Variants in IGF1R observed in about 807,000 individuals in gnomAD.
The protein encoded by IGF1R is insulin-like growth factor 1 receptor.
In IGF1R, 44 loss-of-function variants were observed where a neutral mutation model predicts 144.6. The ratio of observed to expected loss-of-function variants is 0.30; its 90% CI spans 0.24 to 0.39. The LOEUF (loss-of-function observed/expected upper bound fraction) is 0.39. Ranked by LOEUF, IGF1R falls within the 10% of genes least tolerant of loss-of-function variation. The probability of loss-of-function intolerance (pLI) is 1.00; values close to 1 mark genes in which losing one functional copy is unlikely to be tolerated. For synonymous variants in IGF1R, 795 were observed against 722.8 expected (o/e 1.10, Z -1.60); for missense variants, 1,355 against 1,833.7 (o/e 0.74, Z 4.77).
intron 1 of IGF1R, among the ~76,000 whole-genome samples, chr15:98,661,835 AAATG>A (rs1186341087): frequency 6.6e-6 from 1 of 152,106 alleles, no homozygotes; most frequent in African/African-American, 2.4e-5. Flanking sequence ...AGCATCCAAT[AAATG>A]GATGCTTTTC....
At chr15:98,792,998 C>G (rs1040566755) in intron 2 of IGF1R, among the ~76,000 whole-genome samples, 5 of 152,180 alleles carry the variant, frequency 3.3e-5, no homozygotes, top group African/African-American at 1.2e-4. Context: ...TTTTCTTCCT[C>G]CTGAAAAGCT....
chr15:98,924,127 A>G (rs2015608404), intron 12 of IGF1R, 115 bp downstream of exon 12: 2 of 1,066,048 alleles, frequency 1.9e-6, no homozygotes, highest in Admixed American at 1.7e-5. Flanking sequence ...AATAAAATCC[A>G]TGCCAAGTTG....
Position 98,649,577 on chromosome 15 carries a change from A to G in IGF1R, c.-5A>G. The G allele has an allele frequency of 3.3e-6, 5 of 1,511,708 alleles. No individual in the cohort carries two copies. In the South Asian group the frequency reaches 4.5e-5, roughly 14 times the overall value. 93.6% of individuals were successfully genotyped at this position (1,511,708 alleles called of 1,614,324 possible). A position where few individuals can be genotyped will look rare whatever the true frequency, so the allele number is the denominator to read the frequency against. The stretch of plus-strand genomic sequence containing the variant: ...GAAAGGGGAATTTCATCCCAAATAA[A>G]AGGAATGAAGTCTGGCTCCGGAGGA... On this transcript the variant is annotated 5_prime_UTR_variant, in exon 1 of 21. Transcript: ENST00000650285.
At chr15:98,696,517 A>G (rs2053601238) in intron 1 of IGF1R, among the ~76,000 whole-genome samples, 1 of 152,218 alleles carries the variant, frequency 6.6e-6, no homozygotes, top group Non-Finnish European at 1.5e-5. Context: ...TATACATATT[A>G]AGAAAAAATC....
intron 1 of IGF1R, among the ~76,000 whole-genome samples, chr15:98,652,078 T>G (rs1555428291): frequency 1.3e-5 from 2 of 152,206 alleles, no homozygotes; most frequent in South Asian, 2.1e-4. Context: ...ATTGAGAGAT[T>G]AGAGTTTCCT....
At chr15:98,905,620 C>T (rs1241787039) in intron 5 of IGF1R, among the ~76,000 whole-genome samples, 4 of 151,288 alleles carry the variant, frequency 2.6e-5, no homozygotes, top group Non-Finnish European at 5.9e-5. Flanking sequence ...TCTGTCATTG[C>T]ACCACTGCAC....
intron 20 of IGF1R, among the ~76,000 whole-genome samples, chr15:98,956,113 G>A (rs959974456): frequency 6.6e-6 from 1 of 152,214 alleles, no homozygotes; most frequent in African/African-American, 2.4e-5. Context: ...GCCTTTCCTG[G>A]GTCAGGGCAG....
chr15:98,817,409 TAAG>T (rs1330699129), intron 2 of IGF1R, among the ~76,000 whole-genome samples: 2 of 152,000 alleles, frequency 1.3e-5, no homozygotes, highest in Non-Finnish European at 2.9e-5. Context: ...GATGAGCATC[TAAG>T]AAGAAAACAC....
At chr15:98,882,046 T>C (rs1208996909) in intron 2 of IGF1R, among the ~76,000 whole-genome samples, 1 of 152,292 alleles carries the variant, frequency 6.6e-6, no homozygotes, top group East Asian at 1.9e-4. Context: ...TGTTTGATGA[T>C]AGTTATTCTT....
At chr15:98,693,672 C>T (rs1373764018) in intron 1 of IGF1R, among the ~76,000 whole-genome samples, 1 of 152,218 alleles carries the variant, frequency 6.6e-6, no homozygotes, top group Non-Finnish European at 1.5e-5. Flanking sequence ...ATGGCATGAT[C>T]TCGGCTAACT....
chr15:98,851,181 G>C (rs1346214419), intron 2 of IGF1R, among the ~76,000 whole-genome samples: 1 of 152,184 alleles, frequency 6.6e-6, no homozygotes, highest in Non-Finnish European at 1.5e-5. Context: ...CCAGGGACCT[G>C]CGACAGGAAC....
At chr15:98,801,087 C>T (rs754530140) in intron 2 of IGF1R, among the ~76,000 whole-genome samples, 17 of 152,098 alleles carry the variant, frequency 1.1e-4, no homozygotes, top group Non-Finnish European at 2.2e-4. Flanking sequence ...TTGTCATCCC[C>T]GGGGACCTTG....
chr15:98,762,293 A>G (rs2055324805), intron 2 of IGF1R, among the ~76,000 whole-genome samples: 1 of 142,638 alleles, frequency 7.0e-6, no homozygotes, highest in African/African-American at 2.7e-5. Flanking sequence ...GCTGGAGTGC[A>G]CTGGCACGCG....
chr15:98,661,839 G>T (rs1056948964), intron 1 of IGF1R, among the ~76,000 whole-genome samples: 1 of 152,058 alleles, frequency 6.6e-6, no homozygotes, highest in Non-Finnish European at 1.5e-5. Context: ...TCCAATAAAT[G>T]GATGCTTTTC....
At chr15:98,797,519 G>T (rs2056272544) in intron 2 of IGF1R, among the ~76,000 whole-genome samples, 1 of 152,226 alleles carries the variant, frequency 6.6e-6, no homozygotes, top group African/African-American at 2.4e-5. Context: ...TCCCAGGTCA[G>T]ATGGAGAGCT....
At chr15:98,725,779 A>T (rs549400605) in intron 2 of IGF1R, among the ~76,000 whole-genome samples, 52 of 152,318 alleles carry the variant, frequency 3.4e-4, no homozygotes, top group African/African-American at 1.2e-3. Flanking sequence ...ATGGCTGGGG[A>T]GGCCTCAGAA....
At chr15:98,753,905 T>C (rs968017959) in intron 2 of IGF1R, among the ~76,000 whole-genome samples, 7 of 152,206 alleles carry the variant, frequency 4.6e-5, no homozygotes, top group Admixed American at 1.3e-4. Context: ...CTTTTCACTC[T>C]TGAAAAGTCT....
In IGF1R at chr15:98,959,588, C is replaced by A. The variant is rs1424186448; in HGVS notation, c.*2146C>A. 4.3e-6 allele frequency: 1 copy of A among 233,452 alleles called. No homozygotes were observed. The highest frequency in any genetic ancestry group is 6.0e-5 in the East Asian group (1 of 16,600). The allele number at this position is 233,452 out of a possible 1,614,324, so 14.5% of individuals were successfully genotyped here. ...TGGGGGACCAGGGCTGTGGTGCTGG[C>A]CCACTTTCCCTCGGCCAGGAATCCA... On this transcript the variant is annotated 3_prime_UTR_variant, in exon 21 of 21. Transcript: ENST00000650285.
intron 1 of IGF1R, among the ~76,000 whole-genome samples, chr15:98,652,378 T>C (rs551126011): frequency 6.6e-6 from 1 of 152,232 alleles, no homozygotes; most frequent in African/African-American, 2.4e-5. Context: ...ATGTGAAATG[T>C]TGGTGTTTAA....
Sources: allele counts gnomAD v4.1 joint callset (sites outside exome capture counted in the v4.1 genomes callset), GRCh38; gene constraint gnomAD v4.1.1; transcripts MANE v1.5; gene names NCBI Gene and HGNC (gene_info 2026-07-23, HGNC 2026-07-21).